Variants in PLXNA2 observed in about 807,000 individuals in gnomAD.
PLXNA2 encodes the protein plexin-A2.
A neutral mutation model predicts 193.5 loss-of-function variants in PLXNA2; 91 were observed. The observed-to-expected ratio is 0.47, with a 90% CI of 0.40 to 0.56. The LOEUF (loss-of-function observed/expected upper bound fraction) is 0.56, where lower values mean the gene tolerates loss of function less well. Among genes scored for constraint, PLXNA2 ranks in the 20% least tolerant of loss-of-function variants. The pLI, the probability that PLXNA2 is intolerant of heterozygous loss-of-function variation, is 0.00. For missense variants in PLXNA2, 1,995 were observed against 2,503.2 expected, an observed-to-expected ratio of 0.80 and a Z score of 4.33; for synonymous variants, 997 against 1,027.3, an observed-to-expected ratio of 0.97 and a Z score of 0.56.
intron 5 of PLXNA2, among the ~76,000 whole-genome samples, chr1:208,102,436 G>T (rs949110968): frequency 1.3e-5 from 2 of 152,202 alleles, no homozygotes; most frequent in African/African-American, 4.8e-5. Context: ...GGAAGTTTAA[G>T]TGTGATTTAG....
chr1:208,108,806 A>G (rs1667361848), intron 4 of PLXNA2, among the ~76,000 whole-genome samples: 1 of 152,216 alleles, frequency 6.6e-6, no homozygotes. Flanking sequence ...GCCACAATAG[A>G]AGTAGAACCA....
At chr1:208,159,345 G>T (rs1292933890) in intron 3 of PLXNA2, among the ~76,000 whole-genome samples, 1 of 152,216 alleles carries the variant, frequency 6.6e-6, no homozygotes, top group Non-Finnish European at 1.5e-5. Context: ...CCTGTGGGGG[G>T]AAGTACCTTC....
Position 208,217,188 on chromosome 1 carries a change from G to A in PLXNA2, c.735C>T (p.Tyr245=), listed in dbSNP as rs779978151. 36 of 1,614,062 alleles carry A rather than the reference G, an allele frequency of 2.2e-5. No individual in the cohort carries two copies. Among genetic ancestry groups the A allele is most frequent in the Middle Eastern group, 1.6e-4 (1 of 6,084 alleles). Residue 245 remains tyrosine, a synonymous_variant, in exon 2 of 32, where the codon TAC becomes TAT. Transcript: ENST00000367033. This position sits in a 1 kb window ranked among gnomAD's most constrained non-coding sequence, Gnocchi z 4.7. The part of the protein sequence containing the change: ...LVSHFDIFYI[Y]GFASGGFVYF... ...AGACAAAGCCCCCACTAGCAAAGCC[G>A]TAGATGTAGAAGATGTCAAAGTGGG...
intron 1 of PLXNA2, among the ~76,000 whole-genome samples, chr1:208,235,590 A>G (rs1211882440): frequency 6.6e-6 from 1 of 152,230 alleles, no homozygotes; most frequent in Non-Finnish European, 1.5e-5. Context: ...TCCTGGGACC[A>G]GGGAACAAAC....
intron 10 of PLXNA2, among the ~76,000 whole-genome samples, chr1:208,083,467 T>C (rs1275670116): frequency 2.0e-5 from 3 of 151,636 alleles, no homozygotes; most frequent in African/African-American, 7.3e-5. Context: ...CTGCCTCCCT[T>C]TGTTGTGTCC....
At position 208,054,454 on chromosome 1, in the gene PLXNA2, G is replaced by T. The variant is rs781177467; in HGVS notation, c.2823C>A (p.Phe941Leu). ...RLCIGECKPE[F>L]MTKSHQQYTF... ...TGTACTGCTGATGGGACTTCGTCATGAACTCTGGCTTACACTCGCCAATAC... is the reference window on the plus strand; with the variant it reads ...TGTACTGCTGATGGGACTTCGTCATTAACTCTGGCTTACACTCGCCAATAC... Residue 941 changes from phenylalanine to leucine, a missense_variant, in exon 14 of 32, where the codon TTC (phenylalanine) becomes TTA (leucine). This residue lies in a region of PLXNA2 where 1,291 missense variants were observed against 1,673.6 expected (regional missense o/e 0.77). Transcript: ENST00000367033. 1.2e-6 allele frequency: 2 copies of T among 1,614,186 alleles called. No homozygotes were observed. The highest frequency in any genetic ancestry group is 1.1e-5 in the South Asian group (1 of 91,078).
At chr1:208,089,066 T>A (rs1558186002) in intron 9 of PLXNA2, among the ~76,000 whole-genome samples, 1 of 152,250 alleles carries the variant, frequency 6.6e-6, no homozygotes, top group African/African-American at 2.4e-5. Context: ...AATATTTTTA[T>A]TTTTGAATTG....
chr1:208,093,696 C>T (rs946901938), intron 8 of PLXNA2, among the ~76,000 whole-genome samples: 2 of 152,208 alleles, frequency 1.3e-5, no homozygotes, highest in Non-Finnish European at 2.9e-5. Context: ...CCCACTCCCC[C>T]AGGCATGGAA....
chr1:208,052,295 A>G, intron 15 of PLXNA2, 32 bp downstream of exon 15: 2 of 1,606,512 alleles, frequency 1.2e-6, no homozygotes, highest in Non-Finnish European at 1.7e-6. Context: ...CCAGATGTGC[A>G]GTCTTCTGGT....
At chr1:208,029,819 A>G (rs1278370980) in intron 29 of PLXNA2, 2 of 985,326 alleles carry the variant, frequency 2.0e-6, no homozygotes, top group East Asian at 1.1e-4. Context: ...AAGCCCATTT[A>G]CTCTCCTTCA....
Position 208,038,941 on chromosome 1 carries a change from A to T in PLXNA2, c.4544T>A (p.Ile1515Asn). 6.2e-7 allele frequency: 1 copy of T among 1,614,028 alleles called. No homozygotes were observed. The highest frequency in any genetic ancestry group is 8.5e-7 in the Non-Finnish European group (1 of 1,179,992). Reference protein sequence around the residue: ...VNPDNENSPEIPVKVLNCDTI... With the variant: ...VNPDNENSPENPVKVLNCDTI... ...GTCACAGTTTAACACCTTCACTGGGATCTCTGGACTGTTCTCGTTGTCAGG... is the reference window on the plus strand; with the variant it reads ...GTCACAGTTTAACACCTTCACTGGGTTCTCTGGACTGTTCTCGTTGTCAGG... Residue 1515 changes from isoleucine to asparagine, a missense_variant, in exon 25 of 32, where the codon ATC becomes AAC. Physicochemically the swap from Ile to Asn is moderately radical, Grantham distance 149 (BLOSUM62 -3). Around this residue, in one of 3 missense-constraint regions of PLXNA2, gnomAD observed 1,291 missense variants for 1,673.6 expected, o/e 0.77. Transcript: ENST00000367033. This position sits in a 1 kb window ranked among gnomAD's most constrained non-coding sequence, Gnocchi z 4.1.
Position 208,052,277 on chromosome 1 carries a change from C to G in PLXNA2, c.2993+50G>C. On this transcript the variant is annotated intron_variant, in intron 15 of 31. Transcript: ENST00000367033. ...AACATGCACAGTAACATGTGAACAG[C>G]ACATGTCCCAGATGTGCAGTCTTCT... 3 of 1,590,830 alleles carry G rather than the reference C, an allele frequency of 1.9e-6. No individual in the cohort carries two copies. The African/African-American group carries it at 4.0e-5, about 21-fold the overall frequency.
intron 3 of PLXNA2, among the ~76,000 whole-genome samples, chr1:208,207,442 C>A (rs1670768131): frequency 6.6e-6 from 1 of 152,222 alleles, no homozygotes; most frequent in South Asian, 2.1e-4. Flanking sequence ...TATGTGGACA[C>A]AGCACATAAG....
intron 12 of PLXNA2, among the ~76,000 whole-genome samples, chr1:208,067,707 G>T (rs1041717613): frequency 3.9e-5 from 6 of 152,218 alleles, no homozygotes; most frequent in Non-Finnish European, 7.3e-5. Context: ...TAGGTGTGTA[G>T]TAGGGTACAC....
chr1:208,217,241 T>C lies in PLXNA2; in HGVS notation c.682A>G (p.Ile228Val). ...ACCAGGGCCAGGGTGTCTGAAGGGA[T>C]CTTGATGAGAGAGGAGACAAAATCG... ...HSDFVSSLIK[I>V]PSDTLALVSH... Residue 228 changes from isoleucine (I) to valine (V), a missense_variant, in exon 2 of 32, where the codon ATC (isoleucine) becomes GTC (valine). Physicochemically the swap from Ile to Val is conservative, Grantham distance 29 (BLOSUM62 3). This residue lies in a region of PLXNA2 where 702 missense variants were observed against 812.9 expected (regional missense o/e 0.86). Coordinates refer to ENST00000367033, the MANE Select transcript of PLXNA2 (RefSeq NM_025179.4). The surrounding 1 kb of genome is among the most constrained non-coding windows in gnomAD (Gnocchi z 4.7). The C allele has an allele frequency of 6.2e-7, 1 of 1,613,904 alleles. No individual in the cohort carries two copies. Among genetic ancestry groups the C allele is most frequent in the Non-Finnish European group, 8.5e-7 (1 of 1,179,952 alleles).
intron 4 of PLXNA2, among the ~76,000 whole-genome samples, chr1:208,103,915 A>G (rs1667178661): frequency 6.6e-6 from 1 of 152,198 alleles, no homozygotes; most frequent in South Asian, 2.1e-4. Context: ...CAGAGAGTGT[A>G]GCCCTTGCAC....
At chr1:208,100,957 C>T (rs1667076147) in intron 5 of PLXNA2, among the ~76,000 whole-genome samples, 1 of 152,226 alleles carries the variant, frequency 6.6e-6, no homozygotes, top group African/African-American at 2.4e-5. Context: ...CACAATCAAG[C>T]AGTGATTCGC....
In PLXNA2 at chr1:208,028,085, C is replaced by T. The variant is rs563402733; in HGVS notation, c.5513G>A (p.Arg1838His). The T allele has an allele frequency of 4.3e-6, 7 of 1,613,510 alleles. No homozygotes were observed. The highest frequency in any genetic ancestry group is 2.7e-5 in the African/African-American group (2 of 75,012). Residue 1838 changes from arginine (R) to histidine (H), a missense_variant, in exon 31 of 32, where the codon CGC becomes CAC. Coordinates refer to ENST00000367033, the MANE Select transcript of PLXNA2 (RefSeq NM_025179.4). The surrounding 1 kb of genome is among the most constrained non-coding windows in gnomAD (Gnocchi z 4.2). ...CATGTTGAACTCCACGGCGTGCAGG[C>T]GGGACTGCTCGGCGAGGTAGGCATT... ...DMNAYLAEQS[R>H]LHAVEFNMLS...
chr1:208,181,927 C>A (rs1319062893), intron 3 of PLXNA2, among the ~76,000 whole-genome samples: 1 of 152,182 alleles, frequency 6.6e-6, no homozygotes, highest in African/African-American at 2.4e-5. Flanking sequence ...GAGACCGTGT[C>A]CCATTTAGGA....
Sources: gnomAD v4.1 joint callset for allele counts (sites outside exome capture counted in the v4.1 genomes callset) on GRCh38, gnomAD v4.1.1 for gene constraint, gnomAD v4.1.1 regional missense constraint, Gnocchi (gnomAD v3.1) non-coding constraint, MANE v1.5 for transcripts, NCBI Gene and HGNC (gene_info 2026-07-23, HGNC 2026-07-21) for gene names.